Variants in COL22A1 observed in about 807,000 individuals in gnomAD.
COL22A1 encodes the protein collagen type XXII alpha 1 chain, also known as collagen alpha-1(XXII) chain.
In COL22A1, 221 loss-of-function variants were observed where a neutral mutation model predicts 248.9. The observed-to-expected ratio is 0.89, with a 90% CI of 0.80 to 0.99. The LOEUF (loss-of-function observed/expected upper bound fraction) is 0.99, where lower values mean the gene tolerates loss of function less well. Among genes scored for constraint, COL22A1 ranks in the 50% least tolerant of loss-of-function variants. The probability of loss-of-function intolerance (pLI) is 0.00; values close to 1 mark genes in which losing one functional copy is unlikely to be tolerated. For missense variants in COL22A1, 2,240 were observed against 2,179.0 expected, an observed-to-expected ratio of 1.03 and a Z score of -0.56; for synonymous variants, 891 against 793.4, an observed-to-expected ratio of 1.12 and a Z score of -2.07.
chr8:138,670,973 A>C (rs1430858762), intron 41 of COL22A1, among the ~76,000 whole-genome samples: 2 of 149,480 alleles, frequency 1.3e-5, no homozygotes, highest in African/African-American at 4.9e-5. Flanking sequence ...AAAAAAAAAA[A>C]AAAAAAAAAA....
intron 16 of COL22A1, among the ~76,000 whole-genome samples, chr8:138,772,349 G>A (rs1586705977): frequency 6.6e-6 from 1 of 152,192 alleles, no homozygotes; most frequent in Non-Finnish European, 1.5e-5. Flanking sequence ...GTGGGTGGCT[G>A]AAAGGCAAAC....
intron 34 of COL22A1, 112 bp downstream of exon 34, chr8:138,694,396 G>T (rs779446653): frequency 3.7e-6 from 4 of 1,086,386 alleles, no homozygotes; most frequent in Non-Finnish European, 4.3e-6. Flanking sequence ...TCTGCCCAGC[G>T]TCTACTCCCA....
At chr8:138,876,891 TGGA>T (rs1563874627) in intron 3 of COL22A1, among the ~76,000 whole-genome samples, 2 of 152,154 alleles carry the variant, frequency 1.3e-5, no homozygotes, top group Non-Finnish European at 2.9e-5. Flanking sequence ...CTCCCGGGCC[TGGA>T]GGAGAAGATT....
At chr8:138,649,828 C>T in intron 45 of COL22A1, 50 bp from the exon 46 acceptor site, 1 of 1,220,468 alleles carries the variant, frequency 8.2e-7, no homozygotes. Flanking sequence ...CTAGCAAATA[C>T]AGTTTCAAAG....
chr8:138,700,262 A>G (rs531167918), intron 31 of COL22A1, 118 bp from the exon 32 acceptor site: 2 of 887,922 alleles, frequency 2.3e-6, no homozygotes, highest in Non-Finnish European at 3.6e-6. Flanking sequence ...AGCTTCCTGG[A>G]ACGATTATTA....
At chr8:138,761,660 AC>A (rs1260629408) in intron 17 of COL22A1, among the ~76,000 whole-genome samples, 4 of 152,090 alleles carry the variant, frequency 2.6e-5, no homozygotes, top group African/African-American at 7.2e-5. Context: ...ATGCTATGCA[AC>A]ATAGTATTTT....
chr8:138,594,557 CA>C (rs890158624), intron 62 of COL22A1, among the ~76,000 whole-genome samples: 3 of 152,268 alleles, frequency 2.0e-5, no homozygotes, highest in African/African-American at 7.2e-5. Context: ...GCTACTTGAC[CA>C]TTCTCAGCCT....
intron 23 of COL22A1, among the ~76,000 whole-genome samples, chr8:138,727,378 A>G (rs541269866): frequency 2.0e-5 from 3 of 152,198 alleles, no homozygotes; most frequent in Admixed American, 6.5e-5. Context: ...AACTGTGCTG[A>G]TCTGATCCAC....
intron 39 of COL22A1, among the ~76,000 whole-genome samples, chr8:138,681,501 GC>G (rs1423975776): frequency 1.3e-5 from 2 of 152,138 alleles, no homozygotes; most frequent in Non-Finnish European, 2.9e-5. Flanking sequence ...CATTTCTGGT[GC>G]TCTCACCTTC....
chr8:138,843,266 G>T (rs2131864495), intron 4 of COL22A1, among the ~76,000 whole-genome samples: 1 of 152,276 alleles, frequency 6.6e-6, no homozygotes, highest in African/African-American at 2.4e-5. Flanking sequence ...TGGGATGCAA[G>T]CAGGGTCCCA....
intron 4 of COL22A1, among the ~76,000 whole-genome samples, chr8:138,841,967 C>G (rs1418191044): frequency 6.6e-6 from 1 of 152,172 alleles, no homozygotes; most frequent in Admixed American, 6.5e-5. Flanking sequence ...GTAAGTTTGC[C>G]TGATTTTTAA....
At chr8:138,629,832 G>T (rs1023044892) in intron 50 of COL22A1, among the ~76,000 whole-genome samples, 4 of 152,170 alleles carry the variant, frequency 2.6e-5, no homozygotes, top group Non-Finnish European at 5.9e-5. Flanking sequence ...CTGCTTGCTA[G>T]CTGGCCTTGG....
At chr8:138,729,297 C>T (rs1485544673) in intron 23 of COL22A1, among the ~76,000 whole-genome samples, 2 of 152,204 alleles carry the variant, frequency 1.3e-5, no homozygotes, top group African/African-American at 2.4e-5. Flanking sequence ...AGCCCCTTTC[C>T]ACCCTTTAAC....
chr8:138,822,113 CA>C (rs1338318321), intron 6 of COL22A1, among the ~76,000 whole-genome samples: 16 of 152,176 alleles, frequency 1.1e-4, no homozygotes, highest in African/African-American at 3.6e-4. Context: ...TGTGTGATCT[CA>C]GCTCACTGCA....
chr8:138,743,946 G>C (rs1831902107), intron 22 of COL22A1, among the ~76,000 whole-genome samples: 1 of 152,162 alleles, frequency 6.6e-6, no homozygotes, highest in African/African-American at 2.4e-5. Context: ...AGGATTGCTT[G>C]TGCAACTGAT....
Position 138,744,366 on chromosome 8 carries a change from A to G in COL22A1, c.2086-6789T>C, listed in dbSNP as rs986965919. ...AGCTGATGTGTGCCCAGTGCATCCTATCGGACAGGCATGGTCAGGTATTGA... is the reference window on the plus strand; with the variant it reads ...AGCTGATGTGTGCCCAGTGCATCCTGTCGGACAGGCATGGTCAGGTATTGA... On this transcript the variant is annotated intron_variant, in intron 22 of 64. Coordinates refer to ENST00000303045, the MANE Select transcript of COL22A1 (RefSeq NM_152888.3). 4.6e-5 allele frequency among the ~76,000 whole-genome samples: 7 copies of G among 152,222 alleles called. No individual in the cohort carries two copies. The South Asian group carries it at 1.5e-3, about 32-fold the overall frequency.
intron 53 of COL22A1, among the ~76,000 whole-genome samples, chr8:138,618,924 C>T (rs1360664806): frequency 6.6e-6 from 1 of 151,900 alleles, no homozygotes; most frequent in Non-Finnish European, 1.5e-5. Flanking sequence ...TATATAGATG[C>T]TAGAATTCAT....
rs760291664 is a variant in COL22A1, at chr8:138,878,009, G to T, written c.399C>A (p.Ala133=). The T allele has an allele frequency of 8.8e-6, 14 of 1,584,684 alleles. No homozygotes were observed. The African/African-American group carries it at 1.7e-4, about 20-fold the overall frequency. The change falls in exon 3 of 65, where the codon GCC becomes GCA. Residue 133 remains alanine, a synonymous_variant. Transcript: ENST00000303045. ...AGGCGCGGTCCCTGGGGCGGCCGCC[G>T]GCGTGTGGGGAGAAGCTGCGGGCCG... ...YITARSFSPH[A]GGRPRDRAYK...
chr8:138,625,431 C>T (rs1177497265), intron 51 of COL22A1, among the ~76,000 whole-genome samples: 2 of 152,138 alleles, frequency 1.3e-5, no homozygotes, highest in Non-Finnish European at 2.9e-5. Flanking sequence ...GCCAAAGAGC[C>T]ACAGAAGAAT....
Sources: gnomAD v4.1 joint callset for allele counts (sites outside exome capture counted in the v4.1 genomes callset) on GRCh38, gnomAD v4.1.1 for gene constraint, MANE v1.5 for transcripts, NCBI Gene and HGNC (gene_info 2026-07-23, HGNC 2026-07-21) for gene names.